The following B4GALNT3 variants were observed in gnomAD, a reference collection of about 807,000 sequenced individuals.
B4GALNT3 encodes the protein beta-1,4-N-acetyl-galactosaminyltransferase 3, also known as beta-1,4-N-acetylgalactosaminyltransferase 3.
B4GALNT3 carries 86 observed loss-of-function variants against 120.2 expected under a neutral mutation model. That is an observed-to-expected ratio of 0.72 (90% CI 0.60 to 0.86). B4GALNT3 has a LOEUF of 0.86. Ranked by LOEUF, B4GALNT3 falls within the 40% of genes least tolerant of loss-of-function variation. B4GALNT3 has a pLI of 0.00. For missense variants in B4GALNT3, 1,167 were observed against 1,298.9 expected (o/e 0.90, Z 1.56); for synonymous variants, 518 against 510.4 (o/e 1.01, Z -0.20).
chr12:540,768 G>A (rs909906560), intron 3 of B4GALNT3, among the ~76,000 whole-genome samples: 1 of 151,932 alleles, frequency 6.6e-6, no homozygotes, highest in Non-Finnish European at 1.5e-5. Flanking sequence ...TTTTGAGACG[G>A]AGTCTCGCTC....
intron 1 of B4GALNT3, among the ~76,000 whole-genome samples, chr12:470,769 C>T (rs912942753): frequency 3.3e-5 from 5 of 152,076 alleles, no homozygotes; most frequent in South Asian, 2.1e-4. Context: ...GATGGAGTCT[C>T]GCTCTGTCAC....
chr12:519,092 A>T (rs1946683313), intron 1 of B4GALNT3, among the ~76,000 whole-genome samples: 1 of 152,244 alleles, frequency 6.6e-6, no homozygotes, highest in African/African-American at 2.4e-5. Context: ...CAGACTGTGC[A>T]GTCTTTGTGA....
intron 1 of B4GALNT3, among the ~76,000 whole-genome samples, chr12:529,216 C>A (rs11063429): frequency 0.21 from 31,627 of 152,090 alleles, 4,155 homozygotes; most frequent in African/African-American, 0.37. Flanking sequence ...GGTGTCACCC[C>A]CACACCCACT....
chr12:460,491 C>CT lies in B4GALNT3; in HGVS notation c.116dup (p.Tyr40ValfsTer57), dbSNP rs772879961. On this transcript the variant is annotated frameshift_variant, in exon 1 of 20. Transcript: ENST00000266383. LOFTEE classifies it high-confidence loss of function. The surrounding 1 kb of genome is among the most constrained non-coding windows in gnomAD (Gnocchi z 8.0). ...CGTGGTGTCTGTGGGGCTCTGGACT[C>CT]TGTATCTGGAACTGGTGGCGTCGGC... is the stretch of plus-strand genomic sequence containing the variant. The CT allele has an allele frequency of 6.3e-7, 1 of 1,586,370 alleles. No homozygotes were observed. Among genetic ancestry groups the CT allele is most frequent in the African/African-American group, 1.4e-5 (1 of 72,872 alleles).
intron 1 of B4GALNT3, among the ~76,000 whole-genome samples, chr12:534,284 TTC>T (rs1277965487): frequency 6.6e-6 from 1 of 152,194 alleles, no homozygotes; most frequent in Non-Finnish European, 1.5e-5. Context: ...TGGTCTACGG[TTC>T]TGGTTTGTGA....
intron 4 of B4GALNT3, 56 bp downstream of exon 4, chr12:544,490 A>T: frequency 6.9e-7 from 1 of 1,442,622 alleles, no homozygotes; most frequent in Non-Finnish European, 9.7e-7. Flanking sequence ...TCCTCTGCCC[A>T]CTTCTGTCTC....
chr12:464,111 C>T (rs988548355), intron 1 of B4GALNT3, among the ~76,000 whole-genome samples: 1 of 152,132 alleles, frequency 6.6e-6, no homozygotes, highest in Non-Finnish European at 1.5e-5. Flanking sequence ...GTCCGGGTGG[C>T]AGTGGGACAC....
intron 11 of B4GALNT3, 36 bp from the exon 12 acceptor site, chr12:552,027 C>T (rs1947089199): frequency 6.8e-6 from 10 of 1,474,726 alleles, no homozygotes; most frequent in Non-Finnish European, 9.5e-6. Flanking sequence ...CAAGATCTCA[C>T]TCTCTTACTC....
At position 510,447 on chromosome 12, in the gene B4GALNT3, G is replaced by C. The variant is rs367667505; in HGVS notation, c.170-24719G>C. Among the ~76,000 whole-genome samples, 97 of 151,198 alleles carry C rather than the reference G, an allele frequency of 6.4e-4. 1 individual carries two copies. The South Asian group carries it at 8.3e-3, about 13-fold the overall frequency. ...CTGTGACCTGAGAGACACTCCATGG[G>C]GGGGTTGGACGCTGGGGGGCTGGTC... On this transcript the variant is annotated intron_variant, in intron 1 of 19. Coordinates refer to ENST00000266383, the MANE Select transcript of B4GALNT3 (RefSeq NM_173593.4).
chr12:545,758 AGTGGGGAGGTGAGAG>A (rs1946993239), intron 6 of B4GALNT3, among the ~76,000 whole-genome samples: 1 of 97,534 alleles, frequency 1.0e-5, no homozygotes, highest in Non-Finnish European at 2.0e-5. Context: ...AGGAGTGAGG[AGTGGGGAGGTGAGAG>A]GAGTGGGGAG....
At chr12:497,199 G>A (rs918416821) in intron 1 of B4GALNT3, among the ~76,000 whole-genome samples, 2 of 151,872 alleles carry the variant, frequency 1.3e-5, no homozygotes, top group Non-Finnish European at 2.9e-5. Context: ...TGTTGCCCAG[G>A]CTGGAGTGCA....
intron 15 of B4GALNT3, 74 bp downstream of exon 15, chr12:556,940 G>A (rs2120741325): frequency 3.4e-6 from 5 of 1,453,174 alleles, no homozygotes; most frequent in Non-Finnish European, 4.6e-6. Flanking sequence ...ACATCTGCTT[G>A]CACTGATTTG....
intron 1 of B4GALNT3, among the ~76,000 whole-genome samples, chr12:523,867 C>T (rs973760234): frequency 1.3e-5 from 2 of 152,090 alleles, no homozygotes; most frequent in Non-Finnish European, 2.9e-5. Flanking sequence ...TCGAGACCAG[C>T]CTGGCCAAAT....
chr12:558,256 C>T (rs897247929), intron 17 of B4GALNT3, among the ~76,000 whole-genome samples, 168 bp downstream of exon 17: 1 of 152,200 alleles, frequency 6.6e-6, no homozygotes, highest in Non-Finnish European at 1.5e-5. Flanking sequence ...ACCAGCAAAT[C>T]ACAGTGGAGC....
intron 1 of B4GALNT3, among the ~76,000 whole-genome samples, chr12:514,184 T>C (rs1455121746): frequency 1.3e-5 from 2 of 149,218 alleles, no homozygotes; most frequent in East Asian, 4.0e-4. Flanking sequence ...CAACACTTGT[T>C]ATTGTCCGTT....
At chr12:503,287 G>A (rs776185055) in intron 1 of B4GALNT3, among the ~76,000 whole-genome samples, 1 of 151,900 alleles carries the variant, frequency 6.6e-6, no homozygotes, top group Non-Finnish European at 1.5e-5. Flanking sequence ...ACACCTATCC[G>A]CTCAGTGACC....
At chr12:517,652 G>A (rs1946670239) in intron 1 of B4GALNT3, among the ~76,000 whole-genome samples, 1 of 152,088 alleles carries the variant, frequency 6.6e-6, no homozygotes, top group Admixed American at 6.5e-5. Context: ...TGTCTTCCCT[G>A]ACCACCAGGA....
At chr12:525,856 G>A (rs1275019152) in intron 1 of B4GALNT3, among the ~76,000 whole-genome samples, 1 of 152,204 alleles carries the variant, frequency 6.6e-6, no homozygotes, top group Admixed American at 6.5e-5. Context: ...CAGAGTCAGG[G>A]TTTTCCTGTA....
chr12:543,152 G>C, intron 3 of B4GALNT3: 1 of 1,289,598 alleles, frequency 7.8e-7, no homozygotes, highest in Non-Finnish European at 1.0e-6. Flanking sequence ...TGTGTGCATG[G>C]CCAGAGCAGA....
Sources: gnomAD v4.1 joint callset for allele counts (sites outside exome capture counted in the v4.1 genomes callset) on GRCh38, gnomAD v4.1.1 for gene constraint, Gnocchi (gnomAD v3.1) non-coding constraint, MANE v1.5 for transcripts, NCBI Gene and HGNC (gene_info 2026-07-23, HGNC 2026-07-21) for gene names.